The following HABP2 variants were observed in gnomAD, a reference collection of about 807,000 sequenced individuals.
HABP2 encodes factor VII-activating protease.
In HABP2, 65 loss-of-function variants were observed where a neutral mutation model predicts 66.5. The observed-to-expected ratio is 0.98, with a 90% CI of 0.80 to 1.20. The LOEUF is 1.20. Ranked by LOEUF, HABP2 falls within the 50% of genes most tolerant of loss-of-function variation. The probability of loss-of-function intolerance (pLI) is 0.00; values close to 1 mark genes in which losing one functional copy is unlikely to be tolerated. For synonymous variants in HABP2, 263 were observed against 253.9 expected (o/e 1.04, Z -0.34); for missense variants, 786 against 691.0 (o/e 1.14, Z -1.54).
chr10:113,556,396 G>C (rs1844991867), intron 1 of HABP2, among the ~76,000 whole-genome samples: 1 of 152,170 alleles, frequency 6.6e-6, no homozygotes, highest in South Asian at 2.1e-4. Context: ...ACCATGGAGA[G>C]GGGTAGCCAC....
intron 11 of HABP2, among the ~76,000 whole-genome samples, chr10:113,584,537 C>T (rs1454904964): frequency 1.3e-5 from 2 of 152,192 alleles, no homozygotes; most frequent in African/African-American, 2.4e-5. Flanking sequence ...AGCATTGACC[C>T]TGCATTTATG....
chr10:113,563,109 T>G (rs1845129606), intron 1 of HABP2, among the ~76,000 whole-genome samples: 1 of 152,258 alleles, frequency 6.6e-6, no homozygotes, highest in Admixed American at 6.5e-5. Context: ...TTAACACAGT[T>G]GATGGCACAT....
chr10:113,585,885 G>A lies in HABP2; in HGVS notation c.1465G>A (p.Asp489Asn), dbSNP rs1845623322. ...SRQLYDHMID[D>N]SMICAGNLQK... ...CCAACTCTATGACCACATGATTGAT[G>A]ACAGTATGATCTGTGCAGGAAATCT... The change falls in exon 12 of 13, where the codon GAC becomes AAC. Residue 489 changes from aspartate (D) to asparagine (N), a missense_variant. Asp to Asn is a conservative substitution (Grantham distance 23). Transcript: ENST00000351270. 1 of 1,613,740 alleles carries A rather than the reference G, an allele frequency of 6.2e-7. No homozygotes were observed. Among genetic ancestry groups the A allele is most frequent in the Non-Finnish European group, 8.5e-7 (1 of 1,179,720 alleles).
intron 1 of HABP2, among the ~76,000 whole-genome samples, chr10:113,563,277 A>G (rs1475342094): frequency 1.3e-5 from 2 of 152,162 alleles, no homozygotes; most frequent in East Asian, 1.9e-4. Flanking sequence ...TAATGGAATG[A>G]TGGAATGAAA....
In HABP2 at chr10:113,577,222, G is replaced by A. The variant is rs776334292; in HGVS notation, c.404G>A (p.Arg135His). Residue 135 changes from arginine (R) to histidine (H), a missense_variant, in exon 5 of 13, where the codon CGC becomes CAC. Arg to His is a conservative substitution (Grantham distance 29). Coordinates refer to ENST00000351270, the MANE Select transcript of HABP2 (RefSeq NM_004132.5). ...ATTACCCAGAGTCCTCCCTACTACC[G>A]CTGTGTCTGTAAACACCCTTACACA... ...CLITQSPPYY[R>H]CVCKHPYTGP... The A allele has an allele frequency of 1.5e-5, 24 of 1,611,816 alleles. No homozygotes were observed. Among genetic ancestry groups the A allele is most frequent in the South Asian group, 1.4e-4 (13 of 91,034 alleles).
chr10:113,570,881 C>T (rs1845294254), intron 2 of HABP2, among the ~76,000 whole-genome samples: 1 of 152,156 alleles, frequency 6.6e-6, no homozygotes, highest in South Asian at 2.1e-4. Flanking sequence ...ATGGAAATGG[C>T]CCTTCCTTTT....
chr10:113,585,048 T>C (rs1845608848), intron 11 of HABP2, among the ~76,000 whole-genome samples: 1 of 152,230 alleles, frequency 6.6e-6, no homozygotes, highest in Non-Finnish European at 1.5e-5. Context: ...AGAATCACGA[T>C]AAATAAGTCT....
At chr10:113,557,343 C>T (rs937063668) in intron 1 of HABP2, among the ~76,000 whole-genome samples, 7 of 152,000 alleles carry the variant, frequency 4.6e-5, no homozygotes, top group African/African-American at 1.7e-4. Context: ...CAACTCATTA[C>T]CTTTAGCGGT....
Position 113,583,306 on chromosome 10 carries a change from A to G in HABP2, c.1185A>G (p.Ile395Met). 6.2e-7 allele frequency: 1 copy of G among 1,612,026 alleles called. No individual in the cohort carries two copies. Among genetic ancestry groups the G allele is most frequent in the Non-Finnish European group, 8.5e-7 (1 of 1,178,046 alleles). ...FHEQSFRVEK[I>M]FKYSHYNERD... ...AGCAGAGCTTTAGGGTGGAGAAGAT[A>G]TTCAAGTACAGCCACTACAATGAAA... Residue 395 changes from isoleucine (I) to methionine (M), a missense_variant, in exon 10 of 13, where the codon ATA (isoleucine) becomes ATG (methionine). Ile to Met is a conservative substitution (Grantham distance 10, BLOSUM62 1). Transcript: ENST00000351270.
At chr10:113,562,499 C>T (rs1845118182) in intron 1 of HABP2, among the ~76,000 whole-genome samples, 2 of 144,120 alleles carry the variant, frequency 1.4e-5, no homozygotes, top group East Asian at 2.1e-4. Flanking sequence ...AGCTGGAGTG[C>T]AGTGGCACGA....
At position 113,574,405 on chromosome 10, in the gene HABP2, G is replaced by T. The variant is rs542838125; in HGVS notation, c.223G>T (p.Asp75Tyr). 1.1e-5 allele frequency: 16 copies of T among 1,434,638 alleles called. No homozygotes were observed. The East Asian group carries it at 3.6e-4, about 33-fold the overall frequency. The allele number at this position is 1,434,638 out of a possible 1,614,324, so 88.9% of individuals were successfully genotyped here. Residue 75 changes from aspartate to tyrosine, a missense_variant and splice_region_variant, in exon 3 of 13, where the codon GAT (aspartate) becomes TAT (tyrosine). Coordinates refer to ENST00000351270, the MANE Select transcript of HABP2 (RefSeq NM_004132.5). ...CTGGTACTACACTGAGGACCAAGCT[G>T]GTAGGTACCAAATCTCTTTCAGGGA... ...PDWYYTEDQA[D>Y]PCQPNPCEHG...
At chr10:113,570,898 C>T (rs926395950) in intron 2 of HABP2, among the ~76,000 whole-genome samples, 1 of 152,156 alleles carries the variant, frequency 6.6e-6, no homozygotes, top group Non-Finnish European at 1.5e-5. Flanking sequence ...TTTTAAGAAA[C>T]TAACTATCAA....
intron 2 of HABP2, chr10:113,570,055 T>A (rs1318052684): frequency 6.6e-6 from 1 of 152,238 alleles, no homozygotes; most frequent in East Asian, 1.9e-4. Flanking sequence ...GGTTTCCCAA[T>A]GCATGCTACT....
chr10:113,585,678 C>G (rs143384027), intron 11 of HABP2, 115 bp from the exon 12 acceptor site: 1 of 772,880 alleles, frequency 1.3e-6, no homozygotes, highest in East Asian at 2.5e-5. Flanking sequence ...TGGAAAAACC[C>G]TTCCCTTCTG....
intron 2 of HABP2, among the ~76,000 whole-genome samples, chr10:113,572,085 C>T (rs1845324675): frequency 1.3e-5 from 2 of 152,260 alleles, no homozygotes; most frequent in South Asian, 2.1e-4. Flanking sequence ...AGCTGGATGG[C>T]TTCTTCCACC....
Position 113,582,039 on chromosome 10 carries a change from G to T in HABP2, c.1002G>T (p.Ser334=). The T allele has an allele frequency of 6.2e-7, 1 of 1,613,838 alleles. No homozygotes were observed. The highest frequency in any genetic ancestry group is 1.1e-5 in the South Asian group (1 of 91,084). ...CATGGCAGGCGTCCCTCCAGTCCTC[G>T]CTGCCTCTGACCATCTCCATGCCCC... The part of the protein sequence containing the change: ...KHPWQASLQS[S]LPLTISMPQG... Residue 334 remains serine, a synonymous_variant, in exon 9 of 13, where the codon TCG becomes TCT. Coordinates refer to ENST00000351270, the MANE Select transcript of HABP2 (RefSeq NM_004132.5).
chr10:113,552,509 G>GTTTTTT (rs779747499), upstream of HABP2, among the ~76,000 whole-genome samples: 4 of 152,104 alleles, frequency 2.6e-5, no homozygotes, highest in Non-Finnish European at 5.9e-5. Flanking sequence ...AAAAGTAAAA[G>GTTTTTT]TCTTACCTAA....
At chr10:113,561,471 T>C (rs1845098978) in intron 1 of HABP2, among the ~76,000 whole-genome samples, 1 of 152,140 alleles carries the variant, frequency 6.6e-6, no homozygotes, top group Non-Finnish European at 1.5e-5. Flanking sequence ...GCCTCAACCA[T>C]GGCCATGGTA....
At chr10:113,561,673 C>T (rs1381603835) in intron 1 of HABP2, among the ~76,000 whole-genome samples, 1 of 152,104 alleles carries the variant, frequency 6.6e-6, no homozygotes, top group Admixed American at 6.5e-5. Context: ...GCCTCTGTCC[C>T]CAAAAGACAA....
Sources: allele counts gnomAD v4.1 joint callset (sites outside exome capture counted in the v4.1 genomes callset), GRCh38; gene constraint gnomAD v4.1.1; transcripts MANE v1.5; gene names NCBI Gene and HGNC (gene_info 2026-07-23, HGNC 2026-07-21).